Variants in GDAP1L1 observed in about 807,000 individuals in gnomAD.
GDAP1L1 encodes ganglioside-induced differentiation-associated protein 1-like 1.
A neutral mutation model predicts 37.1 loss-of-function variants in GDAP1L1; 21 were observed. The observed-to-expected ratio is 0.57, with a 90% confidence interval of 0.40 to 0.81. The LOEUF (loss-of-function observed/expected upper bound fraction) is 0.81. Among genes scored for constraint, GDAP1L1 ranks in the 40% least tolerant of loss-of-function variants. GDAP1L1 has a pLI of 0.00. For synonymous variants in GDAP1L1, 193 were observed against 209.1 expected (o/e 0.92, Z 0.67); for missense variants, 362 against 491.6 (o/e 0.74, Z 2.49).
chr20:44,268,696 A>G (rs1428246750), intron 5 of GDAP1L1, among the ~76,000 whole-genome samples: 1 of 152,242 alleles, frequency 6.6e-6, no homozygotes, highest in Admixed American at 6.5e-5. Flanking sequence ...GAATCAGGGC[A>G]GATATGACCC....
chr20:44,267,347 C>T (rs542100391), intron 5 of GDAP1L1, among the ~76,000 whole-genome samples: 45 of 152,178 alleles, frequency 3.0e-4, no homozygotes, highest in Non-Finnish European at 5.9e-4. Flanking sequence ...CAGTGGCTCA[C>T]GCCTGTAACC....
upstream of GDAP1L1, chr20:44,247,250 G>C: frequency 7.3e-7 from 1 of 1,375,842 alleles, no homozygotes; most frequent in Non-Finnish European, 1.0e-6. Context: ...GAGAGGGGCA[G>C]GCTCGGCGAG....
intron 5 of GDAP1L1, among the ~76,000 whole-genome samples, chr20:44,266,809 T>C (rs1457584540): frequency 6.6e-6 from 1 of 152,184 alleles, no homozygotes; most frequent in East Asian, 1.9e-4. Flanking sequence ...TAATTATCTC[T>C]TTAAAAGCCC....
chr20:44,255,541 CAAAAAAA>C (rs60318296), intron 1 of GDAP1L1, among the ~76,000 whole-genome samples: 44 of 45,800 alleles, frequency 9.6e-4, no homozygotes, highest in African/African-American at 3.3e-3. Flanking sequence ...GACTCTGTCT[CAAAAAAA>C]AAAAAAAAAA....
At position 44,279,950 on chromosome 20, in the gene GDAP1L1, C is replaced by A; in HGVS notation, c.*650C>A. 1 of 363,160 alleles carries A rather than the reference C, an allele frequency of 2.8e-6. No homozygotes were observed. The allele number at this position is 363,160 out of a possible 1,614,324, so 22.5% of individuals were successfully genotyped here. A position where few individuals can be genotyped will look rare whatever the true frequency, so the allele number is the denominator to read the frequency against. On this transcript the variant is annotated 3_prime_UTR_variant, in exon 6 of 6. Transcript: ENST00000342560. ...CCTCTCATTGTCCTTCTGATTTGGT[C>A]CATGTGTTGGGTTTGGCCTTAGTAG...
chr20:44,254,562 A>G (rs549798793), intron 1 of GDAP1L1, among the ~76,000 whole-genome samples: 1 of 152,322 alleles, frequency 6.6e-6, no homozygotes, highest in South Asian at 2.1e-4. Flanking sequence ...CTCTGTGAAC[A>G]CTGAATCCAG....
chr20:44,269,841 G>A (rs150451321), intron 5 of GDAP1L1, among the ~76,000 whole-genome samples: 2 of 152,162 alleles, frequency 1.3e-5, no homozygotes, highest in East Asian at 1.9e-4. Flanking sequence ...TGAGGCAGGC[G>A]AATGGCTTGA....
intron 5 of GDAP1L1, among the ~76,000 whole-genome samples, chr20:44,278,535 C>A (rs1189444394): frequency 6.6e-6 from 1 of 152,042 alleles, no homozygotes. Flanking sequence ...TGTGCACCAC[C>A]ACACCCAGCT....
At chr20:44,277,784 T>C (rs1240026274) in intron 5 of GDAP1L1, among the ~76,000 whole-genome samples, 1 of 152,192 alleles carries the variant, frequency 6.6e-6, no homozygotes, top group Non-Finnish European at 1.5e-5. Flanking sequence ...AGTATCAGAT[T>C]CTGGAAGATA....
intron 5 of GDAP1L1, chr20:44,265,327 C>T: frequency 2.0e-6 from 2 of 985,316 alleles, no homozygotes; most frequent in Non-Finnish European, 2.4e-6. Context: ...CTCCATTTTG[C>T]CTGTTGCACA....
chr20:44,265,094 G>C (rs2073740677), intron 5 of GDAP1L1: 1 of 985,284 alleles, frequency 1.0e-6, no homozygotes, highest in South Asian at 4.7e-5. Context: ...TACACAACTT[G>C]ATGGCCACTA....
upstream of GDAP1L1, chr20:44,247,287 CCGCCG>C: frequency 1.3e-6 from 2 of 1,591,300 alleles, no homozygotes; most frequent in Non-Finnish European, 1.7e-6. Flanking sequence ...CGAGAGAGAG[CCGCCG>C]CGCCGGAGCC....
intron 5 of GDAP1L1, among the ~76,000 whole-genome samples, chr20:44,269,611 G>T (rs1029760756): frequency 2.6e-5 from 4 of 152,094 alleles, no homozygotes; most frequent in Non-Finnish European, 5.9e-5. Flanking sequence ...TTTACATGAG[G>T]GTTGGGAGTG....
chr20:44,272,123 G>A (rs1468965248), intron 5 of GDAP1L1, among the ~76,000 whole-genome samples: 3 of 152,202 alleles, frequency 2.0e-5, no homozygotes, highest in African/African-American at 7.2e-5. Context: ...CCCGGGGGGT[G>A]GAGCCAGCAA....
chr20:44,249,489 C>G (rs921516591), intron 1 of GDAP1L1, among the ~76,000 whole-genome samples: 3 of 152,188 alleles, frequency 2.0e-5, no homozygotes, highest in Non-Finnish European at 4.4e-5. Flanking sequence ...TCAGACTGCC[C>G]TTCAGAGTCT....
At chr20:44,251,928 T>TGGCC (rs1161164415) in intron 1 of GDAP1L1, among the ~76,000 whole-genome samples, 1 of 152,242 alleles carries the variant, frequency 6.6e-6, no homozygotes, top group Non-Finnish European at 1.5e-5. Context: ...CACGGTCTGG[T>TGGCC]GGCCGGTCTC....
chr20:44,270,392 G>A (rs533677006), intron 5 of GDAP1L1, among the ~76,000 whole-genome samples: 5 of 152,004 alleles, frequency 3.3e-5, no homozygotes, highest in Admixed American at 6.5e-5. Flanking sequence ...GGATGGTCTC[G>A]ATCTCCTGAC....
At chr20:44,249,008 G>A (rs959907827) in intron 1 of GDAP1L1, among the ~76,000 whole-genome samples, 2 of 152,018 alleles carry the variant, frequency 1.3e-5, no homozygotes, top group South Asian at 4.2e-4. Context: ...CTGGCGAGAG[G>A]TCAAGACTCT....
At chr20:44,277,873 G>T (rs1299667927) in intron 5 of GDAP1L1, among the ~76,000 whole-genome samples, 1 of 152,134 alleles carries the variant, frequency 6.6e-6, no homozygotes, top group Non-Finnish European at 1.5e-5. Context: ...TCATGGTGGG[G>T]CCGGGCGCAG....
Sources: gnomAD v4.1 joint callset for allele counts (sites outside exome capture counted in the v4.1 genomes callset) on GRCh38, gnomAD v4.1.1 for gene constraint, MANE v1.5 for transcripts, NCBI Gene and HGNC (gene_info 2026-07-23, HGNC 2026-07-21) for gene names.